Variants in UNC13B observed in about 807,000 individuals in gnomAD.
UNC13B encodes protein unc-13 homolog B.
In UNC13B, 144 loss-of-function variants were observed where a neutral mutation model predicts 211.0. The observed-to-expected ratio is 0.68, with a 90% CI of 0.60 to 0.78. UNC13B has a LOEUF of 0.78. UNC13B is among the 30% of genes least tolerant of loss of function. UNC13B has a pLI of 0.00. For missense variants in UNC13B, 1,777 were observed against 2,002.0 expected (o/e 0.89, Z 2.14); for synonymous variants, 709 against 725.8 (o/e 0.98, Z 0.37).
At position 35,227,411 on chromosome 9, in the gene UNC13B, T is replaced by C. The variant is rs184362273; in HGVS notation, c.23-604T>C. Among the ~76,000 whole-genome samples the C allele has an allele frequency of 2.6e-3, 394 of 152,300 alleles. 7 individuals carry two copies. Among genetic ancestry groups the C allele is most frequent in the Non-Finnish European group, 5.9e-4 (40 of 68,024 alleles). On this transcript the variant is annotated intron_variant, in intron 1 of 39. Transcript: ENST00000635942. ...CTTCTTTGATAGCTACTTGGTGCTT[T>C]CTGAGATTTAGCAGTTTTCCTGCAT... is the stretch of plus-strand genomic sequence containing the variant.
At chr9:35,293,890 C>T (rs1425095747) in intron 7 of UNC13B, among the ~76,000 whole-genome samples, 1 of 152,136 alleles carries the variant, frequency 6.6e-6, no homozygotes, top group Non-Finnish European at 1.5e-5. Context: ...TGATATTTTT[C>T]CTCCCGGAGT....
In UNC13B at chr9:35,335,219, G is replaced by A. The variant is rs114346991; in HGVS notation, c.9414+21230G>A. On this transcript the variant is annotated intron_variant, in intron 11 of 39. Coordinates refer to ENST00000635942, the MANE Select transcript of UNC13B (RefSeq NM_001371189.2). ...GGAATTCCCAGAGAATACTAAGTTA[G>A]CAGTTAAGTATCAGGAAATGGCCAA... 4.3e-3 allele frequency among the ~76,000 whole-genome samples: 657 copies of A among 152,312 alleles called. 1 individual carries two copies. The highest frequency in any genetic ancestry group is 0.014 in the African/African-American group (568 of 41,554).
intron 11 of UNC13B, among the ~76,000 whole-genome samples, chr9:35,348,542 T>G (rs1832515785): frequency 6.6e-6 from 1 of 151,806 alleles, no homozygotes; most frequent in South Asian, 2.1e-4. Flanking sequence ...AAGGCAGGAG[T>G]CTGGGGCAGA....
chr9:35,363,298 T>C (rs1042417360), intron 11 of UNC13B, among the ~76,000 whole-genome samples: 4 of 152,124 alleles, frequency 2.6e-5, no homozygotes, highest in Non-Finnish European at 5.9e-5. Context: ...TTGTAGAATA[T>C]ATTTAAGATA....
intron 27 of UNC13B, 43 bp from the exon 28 acceptor site, chr9:35,396,798 C>T: frequency 6.2e-7 from 1 of 1,612,258 alleles, no homozygotes; most frequent in Non-Finnish European, 8.5e-7. Flanking sequence ...TGGCGTATTC[C>T]CACCGCTAGT....
chr9:35,402,962 G>A (rs906023453), intron 37 of UNC13B, among the ~76,000 whole-genome samples: 2 of 152,158 alleles, frequency 1.3e-5, no homozygotes, highest in African/African-American at 4.8e-5. Flanking sequence ...AAAATGTTGC[G>A]CCTAAGATGC....
At position 35,220,429 on chromosome 9, in the gene UNC13B, C is replaced by G. The variant is rs560337610; in HGVS notation, c.23-7586C>G. 1.8e-4 allele frequency among the ~76,000 whole-genome samples: 27 copies of G among 151,354 alleles called. No individual in the cohort carries two copies. In the South Asian group the frequency reaches 5.2e-3, roughly 29 times the overall value. On this transcript the variant is annotated intron_variant, in intron 1 of 39. Coordinates refer to ENST00000635942, the MANE Select transcript of UNC13B (RefSeq NM_001371189.2). The stretch of plus-strand genomic sequence containing the variant: ...ACCCATTAATCATCCCCACTTCCCC[C>G]CCAACTACTCTTTCTAGTAGCTTCT...
rs1171891846 is a variant in UNC13B, at chr9:35,306,101, C to A, written c.6697C>A (p.Gln2233Lys). Residue 2233 changes from glutamine (Q) to lysine (K), a missense_variant, in exon 9 of 40, where the codon CAA becomes AAA. Physicochemically the swap from Gln to Lys is moderately conservative, Grantham distance 53. Transcript: ENST00000635942. ...DQKKETSGEK[Q>K]SISTVVPVTS... Reference sequence around the variant, plus strand: ...AAAAAAGGAGACCTCTGGGGAAAAACAAAGCATTTCAACTGTTGTTCCAGT... The same window carrying A: ...AAAAAAGGAGACCTCTGGGGAAAAAAAAAGCATTTCAACTGTTGTTCCAGT... 2 of 398,846 alleles carry A rather than the reference C, an allele frequency of 5.0e-6. No individual in the cohort carries two copies. Among genetic ancestry groups the A allele is most frequent in the Non-Finnish European group, 8.8e-6 (2 of 226,028 alleles). The allele number at this position is 398,846 out of a possible 1,614,324, so 24.7% of individuals were successfully genotyped here.
chr9:35,162,352 TC>T, intron 1 of UNC13B, 47 bp downstream of exon 1: 1 of 1,502,576 alleles, frequency 6.7e-7, no homozygotes, highest in South Asian at 1.2e-5. Context: ...GGCGTAGAGG[TC>T]CCCGCACCCT....
chr9:35,172,447 A>T (rs1184000358), intron 1 of UNC13B, among the ~76,000 whole-genome samples: 1 of 152,078 alleles, frequency 6.6e-6, no homozygotes, highest in Non-Finnish European at 1.5e-5. Context: ...GTACTCTTTA[A>T]TCAACCTTTC....
In UNC13B at chr9:35,378,841, TC is replaced by T. The variant is rs1834627868; in HGVS notation, c.10205+407del. The stretch of plus-strand genomic sequence containing the variant: ...TCTTATAAGGAGTGGGGAGGGAGTG[TC>T]CTTGTCCTAAAACTGGGTAATTCTG... On this transcript the variant is annotated intron_variant, in intron 17 of 39. Transcript: ENST00000635942. Among the ~76,000 whole-genome samples the T allele has an allele frequency of 2.0e-5, 3 of 152,116 alleles. No individual in the cohort carries two copies. In the South Asian group the frequency reaches 6.2e-4, roughly 32 times the overall value.
chr9:35,232,405 C>A (rs1368466990), intron 3 of UNC13B, among the ~76,000 whole-genome samples: 1 of 151,682 alleles, frequency 6.6e-6, no homozygotes, highest in Non-Finnish European at 1.5e-5. Context: ...TGATCTCAAA[C>A]TCCTGGGCTC....
At chr9:35,258,922 G>C (rs964378636) in intron 6 of UNC13B, 71 bp from the exon 7 acceptor site, 5 of 1,520,066 alleles carry the variant, frequency 3.3e-6, no homozygotes, top group Non-Finnish European at 4.5e-6. Context: ...AGGTAGTTGT[G>C]ATTTTTTTCC....
At chr9:35,231,477 A>G (rs1158940276) in intron 3 of UNC13B, among the ~76,000 whole-genome samples, 2 of 152,144 alleles carry the variant, frequency 1.3e-5, no homozygotes, top group East Asian at 1.9e-4. Flanking sequence ...TAAACTCCCA[A>G]TTGATTTGTG....
intron 5 of UNC13B, among the ~76,000 whole-genome samples, chr9:35,238,187 A>G (rs546930931): frequency 5.3e-5 from 8 of 152,354 alleles, no homozygotes; most frequent in African/African-American, 1.9e-4. Context: ...AGTATTAAAT[A>G]GCACTGATAA....
intron 20 of UNC13B, 137 bp from the exon 21 acceptor site, chr9:35,382,220 G>C: frequency 8.4e-7 from 1 of 1,183,678 alleles, no homozygotes; most frequent in Non-Finnish European, 1.2e-6. Flanking sequence ...GCTGTGTGCA[G>C]AAAGTAGCCC....
intron 1 of UNC13B, among the ~76,000 whole-genome samples, chr9:35,178,747 T>A (rs1228186808): frequency 6.6e-6 from 1 of 151,362 alleles, no homozygotes; most frequent in Non-Finnish European, 1.5e-5. Flanking sequence ...TAAAATTAAC[T>A]GGGTGTGGTG....
Position 35,162,258 on chromosome 9 carries a change from G to T in UNC13B, c.-26G>T. On this transcript the variant is annotated 5_prime_UTR_variant, in exon 1 of 40. Transcript: ENST00000635942. ...GAGCGGTCCGGCGCGGCTGGGGCGC[G>T]GCAGAGGCTTGCCCGATCCTCGGCC... 1 of 1,542,596 alleles carries T rather than the reference G, an allele frequency of 6.5e-7. No individual in the cohort carries two copies. Among genetic ancestry groups the T allele is most frequent in the African/African-American group, 1.4e-5 (1 of 73,088 alleles).
At chr9:35,331,394 T>A (rs1246344348) in intron 11 of UNC13B, among the ~76,000 whole-genome samples, 3 of 152,074 alleles carry the variant, frequency 2.0e-5, no homozygotes, top group Non-Finnish European at 4.4e-5. Flanking sequence ...ATTACAGGAG[T>A]GCATCACCAC....
Sources: gnomAD v4.1 joint callset for allele counts (sites outside exome capture counted in the v4.1 genomes callset) on GRCh38, gnomAD v4.1.1 for gene constraint, MANE v1.5 for transcripts, NCBI Gene and HGNC (gene_info 2026-07-23, HGNC 2026-07-21) for gene names.